The following TNRC6A variants were observed in gnomAD, a reference collection of about 807,000 sequenced individuals.
The protein encoded by TNRC6A is trinucleotide repeat containing adaptor 6A.
Under a neutral mutation model 221.2 loss-of-function variants are expected in TNRC6A, and 44 were observed. That is an observed-to-expected ratio of 0.20 (90% CI 0.16 to 0.26). The LOEUF (loss-of-function observed/expected upper bound fraction) is 0.26, where lower values mean the gene tolerates loss of function less well. Ranked by LOEUF, TNRC6A falls within the 10% of genes least tolerant of loss-of-function variation. TNRC6A has a pLI of 1.00. For synonymous variants in TNRC6A, 847 were observed against 838.5 expected, an observed-to-expected ratio of 1.01 and a Z score of -0.18; for missense variants, 2,199 against 2,404.4, an observed-to-expected ratio of 0.91 and a Z score of 1.79.
At chr16:24,791,876 G>A in intron 6 of TNRC6A, 59 bp downstream of exon 6, 1 of 1,428,288 alleles carries the variant, frequency 7.0e-7, no homozygotes, top group Non-Finnish European at 9.2e-7. Flanking sequence ...TATAAGATTT[G>A]TATAACAAAG....
chr16:24,612,553 C>T (rs369811369), intron 1 of TNRC6A, among the ~76,000 whole-genome samples: 2 of 151,616 alleles, frequency 1.3e-5, no homozygotes, highest in African/African-American at 4.9e-5. Context: ...TCCAGACCAG[C>T]CTGGGCAACA....
intron 1 of TNRC6A, among the ~76,000 whole-genome samples, chr16:24,625,582 C>T (rs1476796952): frequency 5.3e-5 from 8 of 151,856 alleles, no homozygotes; most frequent in Admixed American, 2.0e-4. Flanking sequence ...AAAAATTAGC[C>T]GGGCGCGGTG....
At chr16:24,677,163 T>C (rs1000909720) in intron 2 of TNRC6A, among the ~76,000 whole-genome samples, 1 of 148,472 alleles carries the variant, frequency 6.7e-6, no homozygotes, top group African/African-American at 2.4e-5. Flanking sequence ...CCTTTTTTTT[T>C]CTTTTTTTTT....
intron 4 of TNRC6A, among the ~76,000 whole-genome samples, chr16:24,772,875 C>T (rs951839048): frequency 6.6e-6 from 1 of 152,152 alleles, no homozygotes; most frequent in Non-Finnish European, 1.5e-5. Flanking sequence ...TGTCTTATTT[C>T]TTCTATGTAA....
In TNRC6A at chr16:24,729,806, T is replaced by C; in HGVS notation, c.-36T>C. On this transcript the variant is annotated 5_prime_UTR_variant, in exon 1 of 25. Coordinates refer to ENST00000395799, the MANE Select transcript of TNRC6A (RefSeq NM_014494.4). ...GAGGGCTTGAGGCTCGCGAGCCTCC[T>C]TCGCCGCGCCCCACTTGCTCGTGCA... The C allele has an allele frequency of 7.1e-7, 1 of 1,405,364 alleles. No homozygotes were observed. Among genetic ancestry groups the C allele is most frequent in the South Asian group, 1.5e-5 (1 of 64,676 alleles). 87.1% of individuals were successfully genotyped at this position (1,405,364 alleles called of 1,614,324 possible).
chr16:24,788,525 C>G (rs2058022437), intron 5 of TNRC6A, among the ~76,000 whole-genome samples: 1 of 152,144 alleles, frequency 6.6e-6, no homozygotes, highest in Non-Finnish European at 1.5e-5. Context: ...ATTTCTGATA[C>G]ATTTTATCAA....
At chr16:24,776,448 GT>G (rs2151716355) in intron 4 of TNRC6A, 1 of 985,422 alleles carries the variant, frequency 1.0e-6, no homozygotes, top group African/African-American at 1.7e-5. Context: ...CCAGCAGGTT[GT>G]TTTCTAACCT....
At chr16:24,629,220 G>A (rs1901202208) in intron 1 of TNRC6A, among the ~76,000 whole-genome samples, 1 of 151,952 alleles carries the variant, frequency 6.6e-6, no homozygotes, top group Non-Finnish European at 1.5e-5. Context: ...TCACTTAAAA[G>A]CCTGCTTAAT....
At chr16:24,655,054 G>A (rs565433782) in intron 2 of TNRC6A, among the ~76,000 whole-genome samples, 2 of 151,782 alleles carry the variant, frequency 1.3e-5, no homozygotes. Flanking sequence ...ACTAGCCCGG[G>A]CAACATGACA....
chr16:24,747,614 C>T (rs1012935344), intron 2 of TNRC6A, among the ~76,000 whole-genome samples: 1 of 152,018 alleles, frequency 6.6e-6, no homozygotes, highest in Non-Finnish European at 1.5e-5. Context: ...TGGAAGCTGA[C>T]GTGTTTGGGC....
intron 2 of TNRC6A, among the ~76,000 whole-genome samples, chr16:24,677,189 G>A (rs1203402028): frequency 6.9e-6 from 1 of 144,414 alleles, no homozygotes; most frequent in Non-Finnish European, 1.5e-5. Context: ...CCCTGACAGA[G>A]TCTCGCTCTG....
intron 4 of TNRC6A, among the ~76,000 whole-genome samples, chr16:24,771,582 T>TTATGTTGTGATGTGATGTTATGTTA: frequency 3.1e-5 from 3 of 95,480 alleles, no homozygotes; most frequent in Non-Finnish European, 6.1e-5. Context: ...TTATGTTATG[T>TTATGTTGTGATGTGATGTTATGTTA]TGTTATGTTA....
chr16:24,805,942 G>A (rs2058422772), intron 15 of TNRC6A, among the ~76,000 whole-genome samples: 2 of 152,206 alleles, frequency 1.3e-5, no homozygotes, highest in South Asian at 4.1e-4. Context: ...GGAAACCTCA[G>A]CCAAGTCCAG....
intron 14 of TNRC6A, 153 bp downstream of exon 14, chr16:24,805,304 G>A: frequency 8.7e-7 from 1 of 1,146,294 alleles, no homozygotes; most frequent in Non-Finnish European, 1.2e-6. Flanking sequence ...AAAGGTTGTA[G>A]TAAGGAAAAG....
At chr16:24,769,099 T>A (rs1854457003) in intron 4 of TNRC6A, among the ~76,000 whole-genome samples, 2 of 152,216 alleles carry the variant, frequency 1.3e-5, no homozygotes, top group African/African-American at 2.4e-5. Context: ...GAACTTTGGT[T>A]ATATTGTCTG....
chr16:24,685,417 A>G (rs574355386), intron 2 of TNRC6A, among the ~76,000 whole-genome samples: 32 of 152,004 alleles, frequency 2.1e-4, no homozygotes, highest in African/African-American at 7.5e-4. Context: ...GCTCACTGCA[A>G]CCTCCGCCTC....
intron 2 of TNRC6A, among the ~76,000 whole-genome samples, chr16:24,699,688 C>T (rs1178622639): frequency 1.3e-5 from 2 of 149,596 alleles, no homozygotes; most frequent in Non-Finnish European, 3.0e-5. Context: ...CACTGCACTC[C>T]GGCCCAGGCA....
chr16:24,643,110 A>ATATATATATATATTTT, intron 2 of TNRC6A, among the ~76,000 whole-genome samples: 1 of 56,804 alleles, frequency 1.8e-5, no homozygotes, highest in Non-Finnish European at 3.6e-5. Flanking sequence ...ATATATATAA[A>ATATATATATATATTTT]ATATATATAT....
chr16:24,730,460 C>T (rs1264566538), intron 2 of TNRC6A, among the ~76,000 whole-genome samples, 160 bp downstream of exon 2: 2 of 143,100 alleles, frequency 1.4e-5, no homozygotes, highest in Non-Finnish European at 3.0e-5. Flanking sequence ...GGAGGGATTG[C>T]GGGGAGATGC....
Sources: gnomAD v4.1 joint callset for allele counts (sites outside exome capture counted in the v4.1 genomes callset) on GRCh38, gnomAD v4.1.1 for gene constraint, MANE v1.5 for transcripts, NCBI Gene and HGNC (gene_info 2026-07-23, HGNC 2026-07-21) for gene names.